The following CYP4F8 variants were observed in gnomAD, a reference collection of about 807,000 sequenced individuals.
The protein encoded by CYP4F8 is cytochrome P450 family 4 subfamily F member 8, also known as cytochrome P450 4F8.
CYP4F8 carries 56 observed loss-of-function variants against 55.0 expected under a neutral mutation model. That is an observed-to-expected ratio of 1.02 (90% CI 0.82 to 1.27). The LOEUF (loss-of-function observed/expected upper bound fraction) is 1.27, where lower values mean the gene tolerates loss of function less well. Ranked by LOEUF, CYP4F8 falls within the 50% of genes most tolerant of loss-of-function variation. CYP4F8 has a pLI of 0.00. For missense variants in CYP4F8, 680 were observed against 682.4 expected (o/e 1.00, Z 0.04); for synonymous variants, 288 against 267.3 (o/e 1.08, Z -0.76).
At chr19:15,617,576 A>G (rs1388889798) in intron 2 of CYP4F8, among the ~76,000 whole-genome samples, 1 of 151,988 alleles carries the variant, frequency 6.6e-6, no homozygotes, top group African/African-American at 2.4e-5. Flanking sequence ...CTATGGAGAG[A>G]CAGAAGAGGG....
chr19:15,619,347 T>G (rs1972163317), intron 3 of CYP4F8, 143 bp from the exon 4 acceptor site: 2 of 911,500 alleles, frequency 2.2e-6, no homozygotes, highest in East Asian at 2.7e-5. Flanking sequence ...CCACCCTCCT[T>G]TCTTCTTCTG....
At chr19:15,617,595 A>G (rs142160672) in intron 2 of CYP4F8, among the ~76,000 whole-genome samples, 9 of 152,144 alleles carry the variant, frequency 5.9e-5, no homozygotes, top group Middle Eastern at 3.4e-3. Flanking sequence ...GGCATTTATT[A>G]TAGGAATTGA....
rs534522430 is a variant in CYP4F8 at position 15,626,516 on chromosome 19, C to T, written c.1116-1786C>T. Among the ~76,000 whole-genome samples the T allele has an allele frequency of 2.0e-5, 3 of 152,314 alleles. No individual in the cohort carries two copies. In the East Asian group the frequency reaches 5.8e-4, roughly 29 times the overall value. Reference sequence around the variant, plus strand: ...TTTGAGCATCCATGAATTCTTAGATCAAATCCTTTGTCTACTTTTCACTTG... The same window carrying T: ...TTTGAGCATCCATGAATTCTTAGATTAAATCCTTTGTCTACTTTTCACTTG... On this transcript the variant is annotated intron_variant, in intron 9 of 12. Coordinates refer to ENST00000612078, the MANE Select transcript of CYP4F8 (RefSeq NM_007253.4).
chr19:15,619,769 G>T lies in CYP4F8; in HGVS notation c.525+7G>T, dbSNP rs779233083. ...GAGTGCAAACATCATGCATGTGAGT[G>T]CCTTGAACTCAGCATCCCAGCTGCA... On this transcript the variant is annotated splice_region_variant and intron_variant, in intron 5 of 12. Transcript: ENST00000612078. 6.2e-7 allele frequency: 1 copy of T among 1,613,356 alleles called. No individual in the cohort carries two copies. The highest frequency in any genetic ancestry group is 1.1e-5 in the South Asian group (1 of 91,026).
chr19:15,615,884 T>G, intron 2 of CYP4F8, 70 bp downstream of exon 2: 1 of 940,970 alleles, frequency 1.1e-6, no homozygotes, highest in Non-Finnish European at 1.5e-6. Context: ...GCTGAGGGGG[T>G]GGGCTCGGGT....
At position 15,629,281 on chromosome 19, in the gene CYP4F8, AG is replaced by A. The variant is rs1195540614; in HGVS notation, c.1489del (p.Glu497SerfsTer20). On this transcript the variant is annotated frameshift_variant, in exon 13 of 13. Coordinates refer to ENST00000612078, the MANE Select transcript of CYP4F8 (RefSeq NM_007253.4). LOFTEE classifies it high-confidence loss of function. Reference sequence around the variant, plus strand: ...GCGCTTCCGCATCCTGCCCGACCACAGGGAGCCACGCAGGACGCCGGAGATT... The same window carrying A: ...GCGCTTCCGCATCCTGCCCGACCACAGGAGCCACGCAGGACGCCGGAGATT... ...LLRFRILPDH[R>X]EPRRTPEIVL... 1 of 1,613,310 alleles carries A rather than the reference AG, an allele frequency of 6.2e-7. No homozygotes were observed. The highest frequency in any genetic ancestry group is 1.1e-5 in the South Asian group (1 of 90,860).
At position 15,630,046 on chromosome 19, in the gene CYP4F8, T is replaced by C. The variant is rs1396825661; in HGVS notation, c.*688T>C. 1.3e-5 allele frequency: 2 copies of C among 149,792 alleles called. No individual in the cohort carries two copies. Among genetic ancestry groups the C allele is most frequent in the Admixed American group, 6.6e-5 (1 of 15,090 alleles). 9.3% of individuals were successfully genotyped at this position (149,792 alleles called of 1,614,324 possible). Reference sequence around the variant, plus strand: ...CACCACACCCGGCTAATTGTATTTTTAGTACAGATGGGGTTTTGCTATGTT... The same window carrying C: ...CACCACACCCGGCTAATTGTATTTTCAGTACAGATGGGGTTTTGCTATGTT... On this transcript the variant is annotated 3_prime_UTR_variant, in exon 13 of 13. Coordinates refer to ENST00000612078, the MANE Select transcript of CYP4F8 (RefSeq NM_007253.4).
rs747622614 is a variant in CYP4F8, at chr19:15,619,563, C to T, written c.397+20C>T. The T allele has an allele frequency of 7.3e-5, 118 of 1,614,130 alleles. No homozygotes were observed. Among genetic ancestry groups the T allele is most frequent in the Middle Eastern group, 4.9e-4 (3 of 6,062 alleles). ...GGCTGGGTAAGTAACTGTAGGTGGA[C>T]GGGACGGGGACCAACTTTTGTGGCC... On this transcript the variant is annotated intron_variant, in intron 4 of 12. Transcript: ENST00000612078.
At chr19:15,628,232 G>A in intron 9 of CYP4F8, 70 bp from the exon 10 acceptor site, 1 of 1,605,552 alleles carries the variant, frequency 6.2e-7, no homozygotes, top group East Asian at 2.2e-5. Context: ...GAGGGAGGTG[G>A]TGAGAGGGTC....
At position 15,622,243 on chromosome 19, in the gene CYP4F8, G is replaced by A. The variant is rs1166041588; in HGVS notation, c.550G>A (p.Glu184Lys). 1 of 1,613,536 alleles carries A rather than the reference G, an allele frequency of 6.2e-7. No individual in the cohort carries two copies. Among genetic ancestry groups the A allele is most frequent in the East Asian group, 2.2e-5 (1 of 44,774 alleles). ...GGCCAAGTGGCAACGCCTGGCCATGGAGGGCAGCACCTGTCTGGATGTGTT... is the reference window on the plus strand; with the variant it reads ...GGCCAAGTGGCAACGCCTGGCCATGAAGGGCAGCACCTGTCTGGATGTGTT... ...MHAKWQRLAM[E>K]GSTCLDVFEH... Residue 184 changes from glutamate (E) to lysine (K), a missense_variant, in exon 6 of 13, where the codon GAG becomes AAG. Coordinates refer to ENST00000612078, the MANE Select transcript of CYP4F8 (RefSeq NM_007253.4).
At chr19:15,626,401 G>A (rs772795808) in intron 9 of CYP4F8, among the ~76,000 whole-genome samples, 12 of 152,170 alleles carry the variant, frequency 7.9e-5, no homozygotes, top group African/African-American at 2.7e-4. Context: ...TTCTAGCCTC[G>A]AATAGATGTG....
rs541699138 is a variant in CYP4F8 at position 15,615,257 on chromosome 19, G to A, written c.-25G>A. On this transcript the variant is annotated 5_prime_UTR_variant, in exon 1 of 13. Transcript: ENST00000612078. ...GGCAAAGGAGGAGAGGAGGTTGTGCGGGACAACCTTCTCCTGACAGAAGGT... is the reference window on the plus strand; with the variant it reads ...GGCAAAGGAGGAGAGGAGGTTGTGCAGGACAACCTTCTCCTGACAGAAGGT... 38 of 172,388 alleles carry A rather than the reference G, an allele frequency of 2.2e-4. No homozygotes were observed. The highest frequency in any genetic ancestry group is 8.1e-4 in the African/African-American group (34 of 42,048). The allele number at this position is 172,388 out of a possible 1,614,324, so 10.7% of individuals were successfully genotyped here. A position where few individuals can be genotyped will look rare whatever the true frequency, so the allele number is the denominator to read the frequency against.
rs375912530 is a variant in CYP4F8, at chr19:15,623,684, G to A, written c.919-15G>A. The A allele has an allele frequency of 5.1e-5, 82 of 1,613,978 alleles. No individual in the cohort carries two copies. The highest frequency in any genetic ancestry group is 3.7e-4 in the African/African-American group (28 of 75,024). ...GTGACCCCAGAACTAGTGTGATTGG[G>A]GTTCTTGTCTCCAGGATAAAAATGG... On this transcript the variant is annotated splice_polypyrimidine_tract_variant and intron_variant, in intron 7 of 12. Coordinates refer to ENST00000612078, the MANE Select transcript of CYP4F8 (RefSeq NM_007253.4).
At chr19:15,626,376 A>G (rs1568384838) in intron 9 of CYP4F8, among the ~76,000 whole-genome samples, 1 of 152,142 alleles carries the variant, frequency 6.6e-6, no homozygotes, top group Non-Finnish European at 1.5e-5. Flanking sequence ...CCTTGGCAAC[A>G]CCTACCTTTG....
At chr19:15,620,753 A>G (rs1205873246) in intron 5 of CYP4F8, among the ~76,000 whole-genome samples, 1 of 152,122 alleles carries the variant, frequency 6.6e-6, no homozygotes, top group Non-Finnish European at 1.5e-5. Context: ...AAAAAGTAAA[A>G]CGTCCACCAT....
Position 15,619,559 on chromosome 19 carries a change from T to TGGACG in CYP4F8, c.397+24_397+28dup, listed in dbSNP as rs1252961130. 6.2e-7 allele frequency: 1 copy of TGGACG among 1,614,038 alleles called. No individual in the cohort carries two copies. The highest frequency in any genetic ancestry group is 1.3e-5 in the African/African-American group (1 of 74,930). On this transcript the variant is annotated intron_variant, in intron 4 of 12. Coordinates refer to ENST00000612078, the MANE Select transcript of CYP4F8 (RefSeq NM_007253.4). ...CCCTGGCTGGGTAAGTAACTGTAGG[T>TGGACG]GGACGGGACGGGGACCAACTTTTGT...
Position 15,615,280 on chromosome 19 carries a change from G to A in CYP4F8, c.-2G>A, listed in dbSNP as rs1972100559. 5.1e-6 allele frequency: 1 copy of A among 197,598 alleles called. No individual in the cohort carries two copies. Among genetic ancestry groups the A allele is most frequent in the South Asian group, 1.1e-4 (1 of 8,838 alleles). 12.2% of individuals were successfully genotyped at this position (197,598 alleles called of 1,614,324 possible). A position where few individuals can be genotyped will look rare whatever the true frequency, so the allele number is the denominator to read the frequency against. Reference sequence around the variant, plus strand: ...GCGGGACAACCTTCTCCTGACAGAAGGTGCCAGGCTGGGGGTGGCAGGGCT... The same window carrying A: ...GCGGGACAACCTTCTCCTGACAGAAAGTGCCAGGCTGGGGGTGGCAGGGCT... On this transcript the variant is annotated splice_region_variant and 5_prime_UTR_variant, in exon 1 of 13. Coordinates refer to ENST00000612078, the MANE Select transcript of CYP4F8 (RefSeq NM_007253.4).
chr19:15,623,223 T>C lies in CYP4F8; in HGVS notation c.766T>C (p.Phe256Leu), dbSNP rs1972217609. Residue 256 changes from phenylalanine to leucine, a missense_variant, in exon 7 of 13, where the codon TTC becomes CTC. Transcript: ENST00000612078. ...CTTCCTCACTCCCTGTGGACGGCGCTTCCACAGGGCCTGCAGACTGGTGCA... is the reference window on the plus strand; with the variant it reads ...CTTCCTCACTCCCTGTGGACGGCGCCTCCACAGGGCCTGCAGACTGGTGCA... ...LYFLTPCGRR[F>L]HRACRLVHDF... 2 of 1,613,888 alleles carry C rather than the reference T, an allele frequency of 1.2e-6. No individual in the cohort carries two copies. Among genetic ancestry groups the C allele is most frequent in the African/African-American group, 2.7e-5 (2 of 74,854 alleles).
intron 3 of CYP4F8, chr19:15,618,690 G>T (rs539415837): frequency 8.0e-4 from 199 of 249,030 alleles, no homozygotes; most frequent in African/African-American, 4.1e-3. Context: ...CAGGCCCAGA[G>T]CAAGGACAAG....
Sources: allele counts gnomAD v4.1 joint callset (sites outside exome capture counted in the v4.1 genomes callset), GRCh38; gene constraint gnomAD v4.1.1; transcripts MANE v1.5; gene names NCBI Gene and HGNC (gene_info 2026-07-23, HGNC 2026-07-21).